RAB31: variants seen among roughly 807,000 people sequenced by gnomAD.
The protein encoded by RAB31 is ras-related protein Rab-31.
RAB31 carries 21 observed loss-of-function variants against 25.6 expected under a neutral mutation model. The ratio of observed to expected loss-of-function variants is 0.82; its 90% CI spans 0.58 to 1.18. RAB31 has a LOEUF of 1.18. Ranked by LOEUF, RAB31 falls within the 50% of genes most tolerant of loss-of-function variation. The pLI is 0.00. For missense variants in RAB31, 196 were observed against 250.1 expected (o/e 0.78, Z 1.46); for synonymous variants, 87 against 84.0 (o/e 1.04, Z -0.20).
At chr18:9,745,489 A>C (rs2068201020) in intron 1 of RAB31, among the ~76,000 whole-genome samples, 1 of 152,186 alleles carries the variant, frequency 6.6e-6, no homozygotes, top group African/African-American at 2.4e-5. Flanking sequence ...TATTACAAGA[A>C]CACTATAGAC....
At chr18:9,741,055 G>T (rs1235342123) in intron 1 of RAB31, among the ~76,000 whole-genome samples, 4 of 152,048 alleles carry the variant, frequency 2.6e-5, no homozygotes, top group Admixed American at 1.3e-4. Flanking sequence ...CTCCTGTTGG[G>T]GCATTGTGTG....
intron 1 of RAB31, among the ~76,000 whole-genome samples, chr18:9,710,229 G>A (rs1278402714): frequency 6.6e-6 from 1 of 152,184 alleles, no homozygotes; most frequent in Non-Finnish European, 1.5e-5. Flanking sequence ...TTTTAGCAAA[G>A]CAACTCAGTG....
At chr18:9,715,404 C>G (rs2068038846) in intron 1 of RAB31, among the ~76,000 whole-genome samples, 1 of 143,034 alleles carries the variant, frequency 7.0e-6, no homozygotes, top group Middle Eastern at 3.6e-3. Flanking sequence ...TTTTTAATTC[C>G]CTTTGCCCCC....
At position 9,808,779 on chromosome 18, in the gene RAB31, AC is replaced by A. The variant is rs577081117; in HGVS notation, c.202-5240del. ...TGGAAATCATAATACAAAGCCCATC[AC>A]TCCGAGTTCCTGGACCTGATGCCAG... On this transcript the variant is annotated intron_variant, in intron 3 of 6. Coordinates refer to ENST00000578921, the MANE Select transcript of RAB31 (RefSeq NM_006868.4). 3.0e-3 allele frequency among the ~76,000 whole-genome samples: 455 copies of A among 152,072 alleles called. 18 individuals carry two copies. Among genetic ancestry groups the A allele is most frequent in the Admixed American group, 0.028 (427 of 15,278 alleles).
intron 4 of RAB31, among the ~76,000 whole-genome samples, chr18:9,814,494 T>C (rs374472437): frequency 3.9e-5 from 6 of 152,390 alleles, no homozygotes; most frequent in African/African-American, 1.4e-4. Context: ...TATATAAGTA[T>C]ATTTTTAGTT....
At chr18:9,814,218 T>C in intron 4 of RAB31, 127 bp downstream of exon 4, 1 of 627,720 alleles carries the variant, frequency 1.6e-6, no homozygotes, top group South Asian at 1.9e-5. Flanking sequence ...GTTTATTTCA[T>C]GTATATGTAA....
chr18:9,817,832 A>G (rs1266887493), intron 5 of RAB31, among the ~76,000 whole-genome samples: 1 of 152,200 alleles, frequency 6.6e-6, no homozygotes, highest in African/African-American at 2.4e-5. Context: ...TGCCCCAGCT[A>G]ACATAATCTA....
chr18:9,711,674 G>A (rs925020293), intron 1 of RAB31, among the ~76,000 whole-genome samples: 1 of 152,200 alleles, frequency 6.6e-6, no homozygotes, highest in Admixed American at 6.5e-5. Flanking sequence ...TTTGTGTGTG[G>A]CTGGCATTCA....
chr18:9,719,902 C>T (rs1599010908), intron 1 of RAB31, among the ~76,000 whole-genome samples: 1 of 152,100 alleles, frequency 6.6e-6, no homozygotes, highest in Non-Finnish European at 1.5e-5. Context: ...CGTGCCACAG[C>T]AGGCACTCAG....
intron 5 of RAB31, among the ~76,000 whole-genome samples, chr18:9,823,045 G>A (rs968914098): frequency 2.6e-5 from 4 of 152,196 alleles, no homozygotes; most frequent in African/African-American, 7.2e-5. Flanking sequence ...TAAACAAACT[G>A]TGGTGCATCC....
intron 6 of RAB31, among the ~76,000 whole-genome samples, chr18:9,850,712 G>A (rs1272823870): frequency 6.6e-6 from 1 of 152,026 alleles, no homozygotes; most frequent in Non-Finnish European, 1.5e-5. Context: ...GTTTTATTAA[G>A]GTGAATATAT....
chr18:9,743,708 G>A (rs1390119774), intron 1 of RAB31, among the ~76,000 whole-genome samples: 1 of 152,220 alleles, frequency 6.6e-6, no homozygotes, highest in Admixed American at 6.5e-5. Context: ...CACCCTCTGG[G>A]AAGCCACAGG....
chr18:9,828,135 G>T (rs1303802472), intron 5 of RAB31, among the ~76,000 whole-genome samples: 1 of 152,162 alleles, frequency 6.6e-6, no homozygotes, highest in Non-Finnish European at 1.5e-5. Flanking sequence ...GAGCGAGCTT[G>T]GCACGTGTTG....
At chr18:9,724,068 G>A (rs1394204400) in intron 1 of RAB31, among the ~76,000 whole-genome samples, 1 of 151,596 alleles carries the variant, frequency 6.6e-6, no homozygotes, top group Non-Finnish European at 1.5e-5. Context: ...TCAGGAGATC[G>A]AGACCATCCC....
chr18:9,843,511 A>G (rs1289843205), intron 5 of RAB31, among the ~76,000 whole-genome samples: 1 of 137,256 alleles, frequency 7.3e-6, no homozygotes, highest in East Asian at 2.3e-4. Context: ...ATGCCACTGC[A>G]CTCCAGCCTG....
At chr18:9,723,016 A>T (rs1486462367) in intron 1 of RAB31, among the ~76,000 whole-genome samples, 4 of 152,352 alleles carry the variant, frequency 2.6e-5, no homozygotes, top group Non-Finnish European at 2.9e-5. Context: ...TGTGTTGCAA[A>T]ATAAAGCAAA....
At chr18:9,719,324 TATATAAATAAATA>T (rs2068062153) in intron 1 of RAB31, among the ~76,000 whole-genome samples, 1 of 74,888 alleles carries the variant, frequency 1.3e-5, no homozygotes, top group South Asian at 5.3e-4. Context: ...TATATATATA[TATATAAATAAATA>T]AATTTGATCT....
chr18:9,827,730 G>A (rs1377896106), intron 5 of RAB31, among the ~76,000 whole-genome samples: 2 of 152,186 alleles, frequency 1.3e-5, no homozygotes, highest in Non-Finnish European at 2.9e-5. Flanking sequence ...AGGGTAGGAG[G>A]AAGGAAATTA....
chr18:9,791,398 T>G (rs2068458945), intron 2 of RAB31, among the ~76,000 whole-genome samples: 1 of 127,756 alleles, frequency 7.8e-6, no homozygotes, highest in Non-Finnish European at 1.7e-5. Context: ...CTTTTTTTTT[T>G]TTTTTTTTTT....
Sources: gnomAD v4.1 joint callset for allele counts (sites outside exome capture counted in the v4.1 genomes callset) on GRCh38, gnomAD v4.1.1 for gene constraint, MANE v1.5 for transcripts, NCBI Gene and HGNC (gene_info 2026-07-23, HGNC 2026-07-21) for gene names.